ARHGEF3: variants seen among roughly 807,000 people sequenced by gnomAD.
ARHGEF3 encodes the protein Rho guanine nucleotide exchange factor 3, also known as 59.8 kDA protein.
Under a neutral mutation model 63.2 loss-of-function variants are expected in ARHGEF3, and 28 were observed. The ratio of observed to expected loss-of-function variants is 0.44; its 90% confidence interval spans 0.33 to 0.61. The LOEUF (loss-of-function observed/expected upper bound fraction) is 0.61, where lower values mean the gene tolerates loss of function less well. Ranked by LOEUF, ARHGEF3 falls within the 20% of genes least tolerant of loss-of-function variation. ARHGEF3 has a pLI of 0.03. For synonymous variants in ARHGEF3, 266 were observed against 254.2 expected (o/e 1.05, Z -0.44); for missense variants, 533 against 659.3 (o/e 0.81, Z 2.10).
chr3:56,838,647 G>T (rs2039204109), intron 4 of ARHGEF3, among the ~76,000 whole-genome samples: 1 of 152,186 alleles, frequency 6.6e-6, no homozygotes, highest in Admixed American at 6.5e-5. Flanking sequence ...GCTGATAGCA[G>T]AGAGAAGCAA....
intron 4 of ARHGEF3, among the ~76,000 whole-genome samples, chr3:56,815,336 G>A (rs1346280816): frequency 2.0e-5 from 3 of 152,110 alleles, no homozygotes; most frequent in Non-Finnish European, 4.4e-5. Context: ...TGTATATGGA[G>A]TATTATCTTG....
At chr3:56,848,572 A>G (rs1222695481) in intron 4 of ARHGEF3, among the ~76,000 whole-genome samples, 2 of 152,192 alleles carry the variant, frequency 1.3e-5, no homozygotes, top group African/African-American at 4.8e-5. Context: ...ATCACATAAT[A>G]AAAGTCATTT....
upstream of ARHGEF3, among the ~76,000 whole-genome samples, chr3:56,806,005 A>G (rs1366578817): frequency 1.3e-5 from 2 of 152,198 alleles, no homozygotes; most frequent in African/African-American, 2.4e-5. Flanking sequence ...CAAGCCATGT[A>G]TATGGTCCTT....
Position 57,058,290 on chromosome 3 carries a change from G to C in ARHGEF3, c.-28+20936C>G, listed in dbSNP as rs532248162. 1.4e-4 allele frequency among the ~76,000 whole-genome samples: 22 copies of C among 152,270 alleles called. No homozygotes were observed. In the South Asian group the frequency reaches 4.6e-3, roughly 32 times the overall value. ...TCTATTTTCACATTTATGAGAACTTGTTCCAAATCAGTCTGGTCTTTTTGA... is the reference window on the plus strand; with the variant it reads ...TCTATTTTCACATTTATGAGAACTTCTTCCAAATCAGTCTGGTCTTTTTGA... On this transcript the variant is annotated intron_variant, in intron 1 of 12. Transcript: ENST00000338458.
chr3:57,056,499 A>G (rs1370698713), intron 1 of ARHGEF3, among the ~76,000 whole-genome samples: 1 of 151,728 alleles, frequency 6.6e-6, no homozygotes, highest in Non-Finnish European at 1.5e-5. Flanking sequence ...CCCTAAGAGA[A>G]GGGGCAAAAG....
At chr3:57,077,948 C>T (rs1349688335) in intron 1 of ARHGEF3, among the ~76,000 whole-genome samples, 1 of 152,136 alleles carries the variant, frequency 6.6e-6, no homozygotes, top group Non-Finnish European at 1.5e-5. Context: ...CCACCAGCTC[C>T]TTACCAGAAT....
At chr3:56,819,913 A>C (rs993593007) in intron 4 of ARHGEF3, among the ~76,000 whole-genome samples, 1 of 151,478 alleles carries the variant, frequency 6.6e-6, no homozygotes, top group African/African-American at 2.4e-5. Flanking sequence ...GGGCTCAAGC[A>C]TTCCTTCCAT....
At chr3:56,968,879 A>G (rs1396120595) in intron 2 of ARHGEF3, among the ~76,000 whole-genome samples, 2 of 152,204 alleles carry the variant, frequency 1.3e-5, no homozygotes, top group Non-Finnish European at 2.9e-5. Context: ...CATCATATTG[A>G]ACAGCACAGT....
chr3:57,002,479 T>TTATATATATATATATATATATATGTTATA (rs1159985048), intron 2 of ARHGEF3, among the ~76,000 whole-genome samples: 1 of 39,472 alleles, frequency 2.5e-5, no homozygotes, highest in Non-Finnish European at 4.1e-5. Flanking sequence ...TATATATATG[T>TTATATATATATATATATATATATGTTATA]TATATATATA....
chr3:56,858,070 C>T (rs1303826502), intron 4 of ARHGEF3, among the ~76,000 whole-genome samples: 2 of 151,888 alleles, frequency 1.3e-5, no homozygotes, highest in African/African-American at 4.8e-5. Flanking sequence ...TGGTGGAACC[C>T]CATCTCTATA....
At chr3:56,973,021 G>GTT (rs796976886) in intron 2 of ARHGEF3, among the ~76,000 whole-genome samples, 4 of 140,744 alleles carry the variant, frequency 2.8e-5, no homozygotes, top group Non-Finnish European at 4.7e-5. Flanking sequence ...CAGTTTTTTT[G>GTT]TTTTTTTTTT....
intron 2 of ARHGEF3, among the ~76,000 whole-genome samples, chr3:56,967,089 C>A (rs563977766): frequency 3.8e-4 from 57 of 148,630 alleles, no homozygotes; most frequent in African/African-American, 1.3e-3. Flanking sequence ...TCTCGAACTC[C>A]CGACCTCAAG....
At chr3:56,811,737 G>A in intron 4 of ARHGEF3, among the ~76,000 whole-genome samples, 1 of 152,164 alleles carries the variant, frequency 6.6e-6, no homozygotes, top group East Asian at 1.9e-4. Flanking sequence ...CTTGGCAATA[G>A]AGGACTGAAC....
rs571927146 is a variant in ARHGEF3, at chr3:56,985,006, G to A, written c.63-26117C>T. Reference sequence around the variant, plus strand: ...TCATATTTCTTCTGGAGTAAAAGATGGTAGTTTTTTCACCCCTGGCCTATG... The same window carrying A: ...TCATATTTCTTCTGGAGTAAAAGATAGTAGTTTTTTCACCCCTGGCCTATG... On this transcript the variant is annotated intron_variant, in intron 2 of 12. Coordinates refer to the ARHGEF3 transcript ENST00000338458. 5.3e-5 allele frequency among the ~76,000 whole-genome samples: 8 copies of A among 152,320 alleles called. No homozygotes were observed. The East Asian group carries it at 1.5e-3, about 29-fold the overall frequency.
In ARHGEF3 at chr3:56,882,667, C is replaced by G. The variant is rs560613217; in HGVS notation, c.130-313G>C. Among the ~76,000 whole-genome samples the G allele has an allele frequency of 2.6e-5, 4 of 151,842 alleles. No homozygotes were observed. The East Asian group carries it at 7.7e-4, about 29-fold the overall frequency. ...CTGAGTAGCTGGGATTATAGGCACA[C>G]GCCACCACGCCTGGCTAATTTTTGT... On this transcript the variant is annotated intron_variant, in intron 3 of 12. Transcript: ENST00000338458.
intron 3 of ARHGEF3, among the ~76,000 whole-genome samples, chr3:56,955,186 T>C (rs528512995): frequency 1.3e-5 from 2 of 151,868 alleles, no homozygotes; most frequent in African/African-American, 2.4e-5. Flanking sequence ...TTTTTCTTTT[T>C]TTTTTTTTTC....
At chr3:57,001,237 G>C (rs1316303536) in intron 2 of ARHGEF3, among the ~76,000 whole-genome samples, 1 of 152,224 alleles carries the variant, frequency 6.6e-6, no homozygotes, top group Admixed American at 6.5e-5. Flanking sequence ...ACTGTGCCAG[G>C]TCCTTCTGCA....
At chr3:56,998,945 A>G (rs1208645255) in intron 2 of ARHGEF3, among the ~76,000 whole-genome samples, 1 of 152,220 alleles carries the variant, frequency 6.6e-6, no homozygotes, top group Admixed American at 6.5e-5. Flanking sequence ...ATTGAACTTT[A>G]TTATTACCAA....
rs138439546 is a variant in ARHGEF3 at position 56,948,997 on chromosome 3, C to A, written c.129+9826G>T. Among the ~76,000 whole-genome samples the A allele has an allele frequency of 3.0e-3, 455 of 152,130 alleles. 3 individuals carry two copies. Among genetic ancestry groups the A allele is most frequent in the Admixed American group, 6.7e-3 (103 of 15,284 alleles). The stretch of plus-strand genomic sequence containing the variant: ...ACATACGCAAATCAATAAACGTAAT[C>A]CAGCATAAAAACAGAACCAACGACA... On this transcript the variant is annotated intron_variant, in intron 3 of 12. Transcript: ENST00000338458.
Sources: allele counts gnomAD v4.1 joint callset (sites outside exome capture counted in the v4.1 genomes callset), GRCh38; gene constraint gnomAD v4.1.1; transcripts MANE v1.5; gene names NCBI Gene and HGNC (gene_info 2026-07-23, HGNC 2026-07-21).